DCUN1D2: variants seen among roughly 807,000 people sequenced by gnomAD.
DCUN1D2 encodes the protein defective in cullin neddylation 1 domain containing 2, also known as DCN1-like protein 2.
In DCUN1D2, 29 loss-of-function variants were observed where a neutral mutation model predicts 30.9. The observed-to-expected ratio is 0.94, with a 90% confidence interval of 0.70 to 1.28. DCUN1D2 has a LOEUF of 1.28. DCUN1D2 is among the 50% of genes most tolerant of loss of function. DCUN1D2 has a pLI of 0.00. For synonymous variants in DCUN1D2, 121 were observed against 115.3 expected (o/e 1.05, Z -0.32); for missense variants, 325 against 316.9 (o/e 1.03, Z -0.19).
chr13:113,481,679 T>A (rs1263816568), intron 2 of DCUN1D2, among the ~76,000 whole-genome samples: 31 of 150,134 alleles, frequency 2.1e-4, no homozygotes, highest in African/African-American at 7.6e-4. Context: ...AGCTCAGGAG[T>A]TCAAGACCAG....
upstream of DCUN1D2, chr13:113,490,887 G>C (rs953995353): frequency 1.1e-5 from 3 of 270,066 alleles, no homozygotes; most frequent in Non-Finnish European, 2.0e-5. The surrounding 1 kb of genome is among the most constrained non-coding windows in gnomAD (Gnocchi z 5.2). Context: ...CGAGGGCCTT[G>C]GCTCGCCCCT....
intron 4 of DCUN1D2, among the ~76,000 whole-genome samples, chr13:113,469,451 G>A (rs767567246): frequency 2.0e-5 from 3 of 152,184 alleles, no homozygotes; most frequent in Non-Finnish European, 4.4e-5. Flanking sequence ...AGCCTGAAGT[G>A]AGAGGACTGT....
intron 4 of DCUN1D2, among the ~76,000 whole-genome samples, chr13:113,462,351 G>A (rs922830224): frequency 2.2e-4 from 34 of 152,016 alleles, no homozygotes; most frequent in African/African-American, 7.2e-4. Context: ...CCACTTTTAG[G>A]CAATAAAAGA....
chr13:113,467,043 C>T (rs1057267167), intron 4 of DCUN1D2, among the ~76,000 whole-genome samples: 38 of 152,122 alleles, frequency 2.5e-4, no homozygotes, highest in South Asian at 8.3e-4. Context: ...CTCCTGACCT[C>T]GTGATCCGCC....
At chr13:113,485,370 AGG>A (rs933192189) in intron 1 of DCUN1D2, among the ~76,000 whole-genome samples, 15 of 152,208 alleles carry the variant, frequency 9.9e-5, no homozygotes, top group South Asian at 2.1e-4. Context: ...TGGATAAGGA[AGG>A]GGTGCCATTA....
Position 113,457,820 on chromosome 13 carries a change from C to T in DCUN1D2, c.*209G>A, listed in dbSNP as rs1049068608. The T allele has an allele frequency of 2.2e-5, 12 of 555,924 alleles. No homozygotes were observed. Among genetic ancestry groups the T allele is most frequent in the Non-Finnish European group, 3.6e-5 (11 of 308,176 alleles). The allele number at this position is 555,924 out of a possible 1,614,324, so 34.4% of individuals were successfully genotyped here. A position where few individuals can be genotyped will look rare whatever the true frequency, so the allele number is the denominator to read the frequency against. ...AAAGCTATGATGACAAATCTCCAAACATCCCAAAGCAGCCGTGTCCCGAGG... is the reference window on the plus strand; with the variant it reads ...AAAGCTATGATGACAAATCTCCAAATATCCCAAAGCAGCCGTGTCCCGAGG... On this transcript the variant is annotated 3_prime_UTR_variant, in exon 7 of 7. Coordinates refer to ENST00000478244, the MANE Select transcript of DCUN1D2 (RefSeq NM_001014283.2).
At chr13:113,485,331 A>C (rs974411939) in intron 1 of DCUN1D2, among the ~76,000 whole-genome samples, 1 of 152,204 alleles carries the variant, frequency 6.6e-6, no homozygotes, top group Non-Finnish European at 1.5e-5. Flanking sequence ...ACATAACTTA[A>C]CAAAAGTATA....
Position 113,484,602 on chromosome 13 carries a change from C to A in DCUN1D2, c.4-546G>T, listed in dbSNP as rs937498827. Among the ~76,000 whole-genome samples the A allele has an allele frequency of 3.9e-5, 6 of 152,152 alleles. No homozygotes were observed. In the East Asian group the frequency reaches 9.6e-4, roughly 24 times the overall value. On this transcript the variant is annotated intron_variant, in intron 1 of 6. Transcript: ENST00000478244. Reference sequence around the variant, plus strand: ...ATTTCACAAGCAGGCACAAAAAAACCTGTTATGATTAAATGGAAACAATAA... The same window carrying A: ...ATTTCACAAGCAGGCACAAAAAAACATGTTATGATTAAATGGAAACAATAA...
upstream of DCUN1D2, chr13:113,491,014 G>T: frequency 6.0e-6 from 1 of 167,384 alleles, no homozygotes; most frequent in African/African-American, 2.4e-5. Flanking sequence ...AGTGACTGCG[G>T]CTGGGCGGGA....
intron 4 of DCUN1D2, among the ~76,000 whole-genome samples, chr13:113,468,530 A>G (rs1210511313): frequency 6.6e-6 from 1 of 152,222 alleles, no homozygotes; most frequent in Non-Finnish European, 1.5e-5. Context: ...AAAATGGTTA[A>G]AAGACAAAAG....
At position 113,459,513 on chromosome 13, in the gene DCUN1D2, A is replaced by G. The variant is rs551995669; in HGVS notation, c.604-105T>C. 2.7e-5 allele frequency: 17 copies of G among 618,646 alleles called. No individual in the cohort carries two copies. In the African/African-American group the frequency reaches 2.8e-4, roughly 10 times the overall value. 38.3% of individuals were successfully genotyped at this position (618,646 alleles called of 1,614,324 possible). The stretch of plus-strand genomic sequence containing the variant: ...TCTTCAATTAATGTTCATTAATTTG[A>G]TTAGGAACAAGTACAATAAAATTGT... On this transcript the variant is annotated intron_variant, in intron 5 of 6. Coordinates refer to ENST00000478244, the MANE Select transcript of DCUN1D2 (RefSeq NM_001014283.2).
chr13:113,480,668 C>G lies in DCUN1D2; in HGVS notation c.296G>C (p.Ser99Thr). ...CCACGCTATGACCAATACACTGATA[C>G]TGGCAGGATCCAGGCTCAGATCATC... ...FCDDLSLDPASISVLVIAWKF... is the reference protein window; with the variant it reads ...FCDDLSLDPATISVLVIAWKF... The change falls in exon 3 of 7, where the codon AGT (serine) becomes ACT (threonine). Residue 99 changes from serine to threonine, a missense_variant. Physicochemically the swap from Ser to Thr is moderately conservative, Grantham distance 58. Coordinates refer to ENST00000478244, the MANE Select transcript of DCUN1D2 (RefSeq NM_001014283.2). The G allele has an allele frequency of 6.2e-7, 1 of 1,614,142 alleles. No homozygotes were observed. The highest frequency in any genetic ancestry group is 8.5e-7 in the Non-Finnish European group (1 of 1,180,016).
intron 1 of DCUN1D2, among the ~76,000 whole-genome samples, chr13:113,489,984 C>A (rs1184720690): frequency 6.6e-6 from 1 of 152,144 alleles, no homozygotes; most frequent in Non-Finnish European, 1.5e-5. Context: ...CCAGTCACAC[C>A]CAGCAGCACC....
rs991534364 is a variant in DCUN1D2, at chr13:113,490,191, C to T, written c.3+476G>A. ...CGCTAGGGCCCCGCTGTGCCTCTCC[C>T]TCCCCTCCCGGCAGCAGGGCCTCCC... On this transcript the variant is annotated intron_variant, in intron 1 of 6. Coordinates refer to ENST00000478244, the MANE Select transcript of DCUN1D2 (RefSeq NM_001014283.2). This position sits in a 1 kb window ranked among gnomAD's most constrained non-coding sequence, Gnocchi z 5.2. Among the ~76,000 whole-genome samples, 7 of 152,240 alleles carry T rather than the reference C, an allele frequency of 4.6e-5. No individual in the cohort carries two copies. Among genetic ancestry groups the T allele is most frequent in the Admixed American group, 3.9e-4 (6 of 15,288 alleles).
chr13:113,478,859 T>A (rs978831912), intron 3 of DCUN1D2: 1 of 152,186 alleles, frequency 6.6e-6, no homozygotes, highest in Non-Finnish European at 1.5e-5. Flanking sequence ...TTATTGTCAA[T>A]TTTTATTAAT....
At chr13:113,468,411 A>G (rs1400786304) in intron 4 of DCUN1D2, among the ~76,000 whole-genome samples, 2 of 152,178 alleles carry the variant, frequency 1.3e-5, no homozygotes, top group Non-Finnish European at 2.9e-5. Context: ...TGATGGGGAC[A>G]GCGTTTCAGT....
chr13:113,490,671 TC>T lies in DCUN1D2; in HGVS notation c.-3del. 4 of 1,242,058 alleles carry T rather than the reference TC, an allele frequency of 3.2e-6. No individual in the cohort carries two copies. Among genetic ancestry groups the T allele is most frequent in the Middle Eastern group, 3.2e-4 (1 of 3,152 alleles). 76.9% of individuals were successfully genotyped at this position (1,242,058 alleles called of 1,614,324 possible). On this transcript the variant is annotated 5_prime_UTR_variant, in exon 1 of 7. Transcript: ENST00000478244. The surrounding 1 kb of genome is among the most constrained non-coding windows in gnomAD (Gnocchi z 5.2). ...AGGCGACGCCGGGCCACCTACCATC[TC>T]CCCCGCGCCGCCCGCTTCTGGCCGG...
chr13:113,473,541 G>A (rs2044560872), intron 4 of DCUN1D2, among the ~76,000 whole-genome samples: 1 of 152,188 alleles, frequency 6.6e-6, no homozygotes, highest in African/African-American at 2.4e-5. Flanking sequence ...GAACAATTAC[G>A]AACTGATACA....
At chr13:113,462,999 T>A in intron 4 of DCUN1D2, 1 of 347,900 alleles carries the variant, frequency 2.9e-6, no homozygotes, top group Non-Finnish European at 4.4e-6. Context: ...TTTGTATGTT[T>A]GTCAATCACA....
Sources: gnomAD v4.1 joint callset for allele counts (sites outside exome capture counted in the v4.1 genomes callset) on GRCh38, gnomAD v4.1.1 for gene constraint, Gnocchi (gnomAD v3.1) non-coding constraint, MANE v1.5 for transcripts, NCBI Gene and HGNC (gene_info 2026-07-23, HGNC 2026-07-21) for gene names.